The following SLC4A7 variants were observed in gnomAD, a reference collection of about 807,000 sequenced individuals.
The protein encoded by SLC4A7 is solute carrier family 4 member 7, also known as sodium bicarbonate cotransporter 3.
In SLC4A7, 51 loss-of-function variants were observed where a neutral mutation model predicts 137.6. The observed-to-expected ratio is 0.37, with a 90% CI of 0.30 to 0.47. SLC4A7 has a LOEUF of 0.47. Ranked by LOEUF, SLC4A7 falls within the 20% of genes least tolerant of loss-of-function variation. The pLI is 1.00. For missense variants in SLC4A7, 1,247 were observed against 1,525.4 expected, an observed-to-expected ratio of 0.82 and a Z score of 3.04; for synonymous variants, 542 against 518.6, an observed-to-expected ratio of 1.05 and a Z score of -0.61.
chr3:27,404,783 A>G (rs2053168229), intron 14 of SLC4A7, 47 bp downstream of exon 14: 1 of 1,427,152 alleles, frequency 7.0e-7, no homozygotes, highest in Non-Finnish European at 9.6e-7. Context: ...GTTAATAAAC[A>G]ATTTCATATA....
intron 5 of SLC4A7, among the ~76,000 whole-genome samples, 197 bp from the exon 6 acceptor site, chr3:27,434,301 T>G (rs1203940558): frequency 6.6e-6 from 1 of 152,170 alleles, no homozygotes; most frequent in African/African-American, 2.4e-5. Context: ...CTTATTTTAA[T>G]AAATACTATT....
At chr3:27,451,555 A>G (rs2058076684) in intron 2 of SLC4A7, among the ~76,000 whole-genome samples, 2 of 151,914 alleles carry the variant, frequency 1.3e-5, no homozygotes, top group African/African-American at 2.4e-5. Flanking sequence ...TCTAACCACT[A>G]CTCTTCAAAA....
chr3:27,441,007 C>T (rs990989848), intron 3 of SLC4A7, among the ~76,000 whole-genome samples: 3 of 151,706 alleles, frequency 2.0e-5, no homozygotes, highest in South Asian at 2.1e-4. Context: ...ATCGCATCAT[C>T]GCACACCAGC....
At chr3:27,393,799 T>C (rs1275008867) in intron 20 of SLC4A7, among the ~76,000 whole-genome samples, 1 of 152,098 alleles carries the variant, frequency 6.6e-6, no homozygotes, top group Admixed American at 6.6e-5. Context: ...TAACGACTTT[T>C]ACAATAATAA....
chr3:27,447,327 T>C (rs1169798894), intron 3 of SLC4A7, among the ~76,000 whole-genome samples: 2 of 152,176 alleles, frequency 1.3e-5, no homozygotes, highest in African/African-American at 4.8e-5. Flanking sequence ...ATAAGACCAT[T>C]TGTCTAGGGC....
At chr3:27,449,240 G>A (rs2057898346) in intron 2 of SLC4A7, among the ~76,000 whole-genome samples, 1 of 151,710 alleles carries the variant, frequency 6.6e-6, no homozygotes, top group African/African-American at 2.4e-5. Context: ...GCCCATCTGA[G>A]ATCATACTAT....
At position 27,382,092 on chromosome 3, in the gene SLC4A7, T is replaced by C. The variant is rs186557137; in HGVS notation, c.3590+1061A>G. ...CAAAAAAAAAGAAAAAAAATACAAA[T>C]CAGGTGTGTACACAAATGTAAGTTG... On this transcript the variant is annotated intron_variant, in intron 24 of 25. Transcript: ENST00000454389. Among the ~76,000 whole-genome samples, 316 of 152,020 alleles carry C rather than the reference T, an allele frequency of 2.1e-3. 2 individuals carry two copies. The highest frequency in any genetic ancestry group is 7.3e-3 in the African/African-American group (304 of 41,476).
At position 27,433,904 on chromosome 3, in the gene SLC4A7, A is replaced by C. The variant is rs768238383; in HGVS notation, c.778+12T>G. 1.9e-6 allele frequency: 3 copies of C among 1,613,038 alleles called. No homozygotes were observed. The East Asian group carries it at 6.7e-5, about 36-fold the overall frequency. On this transcript the variant is annotated intron_variant, in intron 6 of 25. Coordinates refer to ENST00000454389, the MANE Select transcript of SLC4A7 (RefSeq NM_001321103.2). ...AGTGTTAGCAAAAATTGGATGCCACAACTTATCTCACCATTCCTTTCAAGC... is the reference window on the plus strand; with the variant it reads ...AGTGTTAGCAAAAATTGGATGCCACCACTTATCTCACCATTCCTTTCAAGC...
At chr3:27,474,545 AC>A (rs2059387982) in intron 1 of SLC4A7, among the ~76,000 whole-genome samples, 1 of 152,044 alleles carries the variant, frequency 6.6e-6, no homozygotes. Context: ...CCCGGTCCCT[AC>A]TAAAAATACA....
At chr3:27,392,471 T>A (rs746175592) in intron 20 of SLC4A7, among the ~76,000 whole-genome samples, 1 of 152,040 alleles carries the variant, frequency 6.6e-6, no homozygotes, top group African/African-American at 2.4e-5. Context: ...ATCTACTACA[T>A]CTCTTCTAAA....
rs74483567 is a variant in SLC4A7, at chr3:27,376,444, C to T, written c.*320G>A. 160 of 176,648 alleles carry T rather than the reference C, an allele frequency of 9.1e-4. No individual in the cohort carries two copies. Among genetic ancestry groups the T allele is most frequent in the African/African-American group, 3.4e-3 (145 of 42,520 alleles). 10.9% of individuals were successfully genotyped at this position (176,648 alleles called of 1,614,324 possible). On this transcript the variant is annotated 3_prime_UTR_variant, in exon 26 of 26. Transcript: ENST00000454389. ...AACAAAGTATCACTTAAGGTTTTTA[C>T]GAATTGCCACTGATGAACAGAGATT...
At chr3:27,404,405 T>C (rs1008569882) in intron 14 of SLC4A7, among the ~76,000 whole-genome samples, 2 of 152,130 alleles carry the variant, frequency 1.3e-5, no homozygotes, top group Non-Finnish European at 2.9e-5. Context: ...TAAGGAACAG[T>C]ATTAGCCATG....
At position 27,436,548 on chromosome 3, in the gene SLC4A7, T is replaced by C. The variant is rs1318100670; in HGVS notation, c.429A>G (p.Arg143=). ...CAACATCCTCTTCAAATTTCAGCCA[T>C]CTGAATGCATAATGTATAAAAATAT... is the stretch of plus-strand genomic sequence containing the variant. ...GEEYEWKETA[R]WLKFEEDVED... The change falls in exon 5 of 26, where the codon AGA becomes AGG. Residue 143 remains arginine, a splice_region_variant and synonymous_variant. Coordinates refer to ENST00000454389, the MANE Select transcript of SLC4A7 (RefSeq NM_001321103.2). The C allele has an allele frequency of 7.5e-6, 12 of 1,592,968 alleles. No homozygotes were observed. The highest frequency in any genetic ancestry group is 2.2e-5 in the East Asian group (1 of 44,708).
rs1009229707 is a variant in SLC4A7 at position 27,383,350 on chromosome 3, ATTAT to A, written c.3493-104_3493-101del. The A allele has an allele frequency of 1.1e-4, 88 of 811,538 alleles. No individual in the cohort carries two copies. The Middle Eastern group carries it at 1.5e-3, about 14-fold the overall frequency. The allele number at this position is 811,538 out of a possible 1,614,324, so 50.3% of individuals were successfully genotyped here. ...TACAGACTTAGAAACCCAAACTGAC[ATTAT>A]TTAAATATAACTGCCATTACTGAAA... On this transcript the variant is annotated intron_variant, in intron 23 of 25. Coordinates refer to ENST00000454389, the MANE Select transcript of SLC4A7 (RefSeq NM_001321103.2).
chr3:27,438,754 T>C (rs917570910), intron 3 of SLC4A7, among the ~76,000 whole-genome samples: 1 of 152,120 alleles, frequency 6.6e-6, no homozygotes, highest in Non-Finnish European at 1.5e-5. Context: ...GAGTTAACTT[T>C]ACAATGTAAA....
rs1460452432 is a variant in SLC4A7, at chr3:27,448,232, AAAG to A, written c.289+416_289+418del. ...ACTCCATCTCAAAAAAAAAAAAAAA[AAAG>A]AAGAAGGAAAAAAACTTTAATCACT... is the stretch of plus-strand genomic sequence containing the variant. On this transcript the variant is annotated intron_variant, in intron 3 of 25. Transcript: ENST00000454389. Among the ~76,000 whole-genome samples the A allele has an allele frequency of 9.8e-3, 1,483 of 151,394 alleles. 7 individuals carry two copies. The highest frequency in any genetic ancestry group is 0.018 in the South Asian group (88 of 4,778).
At chr3:27,393,315 A>G (rs1402206518) in intron 20 of SLC4A7, among the ~76,000 whole-genome samples, 1 of 152,226 alleles carries the variant, frequency 6.6e-6, no homozygotes, top group Admixed American at 6.5e-5. Context: ...CAGATTTCTC[A>G]TTAGAAAATT....
At chr3:27,416,645 C>T (rs1449139557) in intron 11 of SLC4A7, among the ~76,000 whole-genome samples, 1 of 152,096 alleles carries the variant, frequency 6.6e-6, no homozygotes, top group Non-Finnish European at 1.5e-5. Context: ...TAGAACTGCA[C>T]AGTTCAAACT....
rs2055613370 is a variant in SLC4A7 at position 27,426,303 on chromosome 3, T to G, written c.1151-2151A>C. Among the ~76,000 whole-genome samples, 4 of 152,206 alleles carry G rather than the reference T, an allele frequency of 2.6e-5. No individual in the cohort carries two copies. In the South Asian group the frequency reaches 8.3e-4, roughly 32 times the overall value. Reference sequence around the variant, plus strand: ...CAACTCATTTCTTACAACCTTAGCTTGGCACACCAAGAAGATTCCTCTTCT... The same window carrying G: ...CAACTCATTTCTTACAACCTTAGCTGGGCACACCAAGAAGATTCCTCTTCT... On this transcript the variant is annotated intron_variant, in intron 7 of 25. Transcript: ENST00000454389.
Sources: gnomAD v4.1 joint callset for allele counts (sites outside exome capture counted in the v4.1 genomes callset) on GRCh38, gnomAD v4.1.1 for gene constraint, MANE v1.5 for transcripts, NCBI Gene and HGNC (gene_info 2026-07-23, HGNC 2026-07-21) for gene names.